Variants in NYAP2 observed in about 807,000 individuals in gnomAD.
NYAP2 encodes neuronal tyrosine-phosphorylated phosphoinositide-3-kinase adapter 2.
NYAP2 carries 23 observed loss-of-function variants against 50.4 expected under a neutral mutation model. That is an observed-to-expected ratio of 0.46 (90% CI 0.33 to 0.65). The LOEUF is 0.65. NYAP2 is among the 30% of genes least tolerant of loss of function. NYAP2 has a pLI of 0.02. For synonymous variants in NYAP2, 394 were observed against 365.2 expected (o/e 1.08, Z -0.90); for missense variants, 885 against 861.0 (o/e 1.03, Z -0.35).
At chr2:225,574,603 A>C (rs952700512) in intron 4 of NYAP2, among the ~76,000 whole-genome samples, 1 of 151,938 alleles carries the variant, frequency 6.6e-6, no homozygotes, top group Non-Finnish European at 1.5e-5. Context: ...ATTTTAAACT[A>C]TCTCTCTCCT....
chr2:225,584,488 T>A (rs1035154815), intron 5 of NYAP2, among the ~76,000 whole-genome samples: 2 of 152,244 alleles, frequency 1.3e-5, no homozygotes, highest in Non-Finnish European at 2.9e-5. Context: ...TTCTCTTATT[T>A]AAAAATGCCG....
chr2:225,641,102 A>G (rs571449116), intron 6 of NYAP2, among the ~76,000 whole-genome samples: 7 of 152,218 alleles, frequency 4.6e-5, no homozygotes, highest in African/African-American at 1.7e-4. Flanking sequence ...CATCAGTGAC[A>G]GGTGTCTGTC....
intron 4 of NYAP2, among the ~76,000 whole-genome samples, chr2:225,556,511 G>T (rs1425706773): frequency 6.6e-6 from 1 of 152,108 alleles, no homozygotes; most frequent in Non-Finnish European, 1.5e-5. Context: ...CAATGTTATG[G>T]CTCTGCTGTT....
chr2:225,522,446 C>T (rs1691081263), intron 4 of NYAP2, among the ~76,000 whole-genome samples: 1 of 152,060 alleles, frequency 6.6e-6, no homozygotes, highest in Admixed American at 6.6e-5. Flanking sequence ...ACAATATTTG[C>T]AATCATGGTT....
intron 3 of NYAP2, among the ~76,000 whole-genome samples, chr2:225,478,623 T>C (rs1167378518): frequency 2.0e-5 from 3 of 152,182 alleles, no homozygotes; most frequent in African/African-American, 4.8e-5. Flanking sequence ...ACTCATATTG[T>C]TTTTATTCTT....
rs537063124 is a variant in NYAP2 at position 225,595,497 on chromosome 2, AC to A, written c.1618+12464del. Reference sequence around the variant, plus strand: ...TCTACAAACAACTTTCATTCTTTTGACCATTAGTTATTAACCACTTACCAAT... The same window carrying A: ...TCTACAAACAACTTTCATTCTTTTGACATTAGTTATTAACCACTTACCAAT... On this transcript the variant is annotated intron_variant, in intron 5 of 6. Coordinates refer to ENST00000636099, the Ensembl canonical transcript of NYAP2. Among the ~76,000 whole-genome samples, 150 of 152,356 alleles carry A rather than the reference AC, an allele frequency of 9.8e-4. 2 individuals carry two copies. The highest frequency in any genetic ancestry group is 1.6e-3 in the Non-Finnish European group (106 of 68,028).
chr2:225,466,054 C>G (rs76525600), intron 3 of NYAP2, among the ~76,000 whole-genome samples: 1 of 152,168 alleles, frequency 6.6e-6, no homozygotes, highest in Non-Finnish European at 1.5e-5. Flanking sequence ...GCCTGGCAGC[C>G]GGAACCAGCC....
chr2:225,430,169 T>A (rs1695345384), intron 3 of NYAP2, among the ~76,000 whole-genome samples: 1 of 152,242 alleles, frequency 6.6e-6, no homozygotes. Context: ...ATTAAAGGTT[T>A]ATTTGCCAAC....
intron 4 of NYAP2, among the ~76,000 whole-genome samples, chr2:225,516,652 A>G (rs759317741): frequency 9.8e-5 from 15 of 152,316 alleles, no homozygotes; most frequent in Non-Finnish European, 2.1e-4. Flanking sequence ...ACAGGGCTCA[A>G]TTCAGGGATA....
At chr2:225,471,017 T>C (rs1029321961) in intron 3 of NYAP2, among the ~76,000 whole-genome samples, 4 of 152,176 alleles carry the variant, frequency 2.6e-5, no homozygotes. Flanking sequence ...ATATGCTTCC[T>C]TATCTTTGAA....
exon 6 of NYAP2, chr2:225,627,074 A>T: frequency 6.3e-7 from 1 of 1,597,770 alleles, no homozygotes; most frequent in Non-Finnish European, 8.5e-7. Context: ...TCACCAGTCG[A>T]CTAGGAAGAT....
At chr2:225,516,367 G>C (rs1690935879) in intron 4 of NYAP2, among the ~76,000 whole-genome samples, 1 of 152,048 alleles carries the variant, frequency 6.6e-6, no homozygotes, top group African/African-American at 2.4e-5. Context: ...GTTAGACTTG[G>C]AAAAAATACT....
chr2:225,404,177 A>G (rs1404615637), intron 2 of NYAP2, among the ~76,000 whole-genome samples: 2 of 151,986 alleles, frequency 1.3e-5, no homozygotes. Context: ...ACATAAATCT[A>G]TAATCTTAGT....
intron 3 of NYAP2, among the ~76,000 whole-genome samples, chr2:225,450,671 T>C (rs1055384677): frequency 6.6e-6 from 1 of 152,244 alleles, no homozygotes; most frequent in Non-Finnish European, 1.5e-5. Context: ...CATTTACATA[T>C]TTATAGTCCT....
At chr2:225,681,855 T>G in the NYAP2 span, among the ~76,000 whole-genome samples, 8 of 152,262 alleles carry the variant, frequency 5.3e-5, no homozygotes, top group East Asian at 1.5e-3. Context: ...TCTTCATCTA[T>G]AAAGTGAGCA....
chr2:225,691,186 A>G, the NYAP2 span, among the ~76,000 whole-genome samples: 1 of 152,016 alleles, frequency 6.6e-6, no homozygotes, highest in South Asian at 2.1e-4. Context: ...ATGATAGTTC[A>G]GGAGTGAGCG....
At chr2:225,499,020 T>C (rs747260852) in intron 3 of NYAP2, among the ~76,000 whole-genome samples, 3 of 152,110 alleles carry the variant, frequency 2.0e-5, no homozygotes, top group African/African-American at 4.8e-5. Context: ...CAGGATAGCA[T>C]TGAAGTCTTA....
chr2:225,657,102 CTTTTT>C (rs375126014), downstream of NYAP2, among the ~76,000 whole-genome samples: 49 of 101,080 alleles, frequency 4.8e-4, no homozygotes, highest in East Asian at 0.011. Flanking sequence ...AATCTAATTC[CTTTTT>C]TTTTTTTTTT....
exon 5 of NYAP2, chr2:225,583,019 C>T (rs3828256): frequency 0.64 from 1,029,130 of 1,610,178 alleles, 336,465 homozygotes; most frequent in Admixed American, 0.74. Flanking sequence ...GCCGGCGCTC[C>T]AAAGAGCCTG....
Sources: allele counts gnomAD v4.1 joint callset (sites outside exome capture counted in the v4.1 genomes callset), GRCh38; gene constraint gnomAD v4.1.1; transcripts MANE v1.5; gene names NCBI Gene and HGNC (gene_info 2026-07-23, HGNC 2026-07-21).